The following OC90 variants were observed in gnomAD, a reference collection of about 807,000 sequenced individuals.
The protein encoded by OC90 is otoconin 90.
Under a neutral mutation model 47.3 loss-of-function variants are expected in OC90, and 46 were observed. That is an observed-to-expected ratio of 0.97 (90% CI 0.77 to 1.24). The LOEUF (loss-of-function observed/expected upper bound fraction) is 1.24. OC90 is among the 50% of genes most tolerant of loss of function. The probability of loss-of-function intolerance (pLI) is 0.00; values close to 1 mark genes in which losing one functional copy is unlikely to be tolerated. For synonymous variants in OC90, 271 were observed against 219.5 expected, an observed-to-expected ratio of 1.23 and a Z score of -2.07; for missense variants, 688 against 583.9, an observed-to-expected ratio of 1.18 and a Z score of -1.84.
rs770622659 is a variant in OC90 at position 132,024,583 on chromosome 8, C to A, written c.1332G>T (p.Glu444Asp). 6.2e-7 allele frequency: 1 copy of A among 1,613,478 alleles called. No homozygotes were observed. The highest frequency in any genetic ancestry group is 2.2e-5 in the East Asian group (1 of 44,866). Reference protein sequence around the residue: ...AAPTLGSSSEEDSEEDPPQED... With the variant: ...AAPTLGSSSEDDSEEDPPQED... The stretch of plus-strand genomic sequence containing the variant: ...CCTGTGGAGGGTCCTCCTCGCTGTC[C>A]TCCTCAGAGCTGGAGCCCAGGGTGG... The change falls in exon 14 of 14, where the codon GAG (glutamate) becomes GAT (aspartate). Residue 444 changes from glutamate (E) to aspartate (D), a missense_variant. Transcript: ENST00000254627.
intron 3 of OC90, among the ~76,000 whole-genome samples, chr8:132,045,616 G>A (rs1383811462): frequency 6.6e-6 from 1 of 152,162 alleles, no homozygotes; most frequent in Non-Finnish European, 1.5e-5. Context: ...TTTAGACTTT[G>A]TCTCAGTTGT....
intron 2 of OC90, among the ~76,000 whole-genome samples, chr8:132,054,061 C>A (rs1041773741): frequency 6.6e-6 from 1 of 152,184 alleles, no homozygotes; most frequent in Non-Finnish European, 1.5e-5. Flanking sequence ...TGAGAAGGGA[C>A]CTTGCGGAGC....
In OC90 at chr8:132,031,976, G is replaced by C; in HGVS notation, c.936C>G (p.Leu312=). 6.2e-7 allele frequency: 1 copy of C among 1,614,000 alleles called. No individual in the cohort carries two copies. Among genetic ancestry groups the C allele is most frequent in the Non-Finnish European group, 8.5e-7 (1 of 1,179,864 alleles). ...CCGGGCACCGGGATGTCAGACAAAA[G>C]AGCATCTCTCCAAGCTGTGGCATCA... ...MQVMPQLGEM[L]FCLTSRCPEE... Residue 312 remains leucine, a synonymous_variant, in exon 12 of 14, where the codon CTC becomes CTG. Coordinates refer to ENST00000254627, the MANE Select transcript of OC90 (RefSeq NM_001080399.3).
intron 2 of OC90, among the ~76,000 whole-genome samples, chr8:132,053,590 A>G (rs182360560): frequency 6.6e-6 from 1 of 152,350 alleles, no homozygotes; most frequent in Admixed American, 6.5e-5. Flanking sequence ...TCTACCGAAA[A>G]GATCAACCAG....
intron 2 of OC90, among the ~76,000 whole-genome samples, chr8:132,053,206 CATA>C (rs1823239826): frequency 6.6e-6 from 1 of 152,198 alleles, no homozygotes; most frequent in African/African-American, 2.4e-5. Context: ...CCTGTGCTAG[CATA>C]ATGTTGCAGA....
chr8:132,055,009 G>A lies in OC90; in HGVS notation c.18C>T (p.Leu6=). 1 of 1,551,424 alleles carries A rather than the reference G, an allele frequency of 6.4e-7. No homozygotes were observed. Among genetic ancestry groups the A allele is most frequent in the Non-Finnish European group, 8.7e-7 (1 of 1,146,822 alleles). MIAFL[L]TSVLMIPHAG... The stretch of plus-strand genomic sequence containing the variant: ...CATGGGGGATCATCAGCACACTGGT[G>A]AGGAGAAACGCAATCATAGCAGGAG... Residue 6 remains leucine (L), a synonymous_variant, in exon 2 of 14, where the codon CTC becomes CTT. Coordinates refer to ENST00000254627, the MANE Select transcript of OC90 (RefSeq NM_001080399.3).
intron 10 of OC90, among the ~76,000 whole-genome samples, chr8:132,034,533 A>T (rs969672553): frequency 6.6e-6 from 1 of 152,114 alleles, no homozygotes; most frequent in Non-Finnish European, 1.5e-5. Flanking sequence ...AACTTTCTGA[A>T]TTATTGGTGC....
intron 6 of OC90, 44 bp from the exon 7 acceptor site, chr8:132,039,167 G>T (rs752146467): frequency 6.4e-7 from 1 of 1,557,832 alleles, no homozygotes; most frequent in African/African-American, 1.4e-5. Flanking sequence ...ATCTCAGCTG[G>T]AATCCCAAGA....
intron 2 of OC90, among the ~76,000 whole-genome samples, chr8:132,049,330 C>T (rs1489703119): frequency 2.0e-5 from 3 of 146,876 alleles, no homozygotes; most frequent in Admixed American, 2.0e-4. Context: ...GTAATCAAGG[C>T]TCTTGGGGAA....
intron 2 of OC90, among the ~76,000 whole-genome samples, chr8:132,050,021 C>G (rs1038147098): frequency 6.6e-6 from 1 of 152,154 alleles, no homozygotes; most frequent in African/African-American, 2.4e-5. Context: ...TTTTGTCCAA[C>G]AGGCCTGACT....
At chr8:132,048,394 G>GGA (rs1823164040) in intron 2 of OC90, among the ~76,000 whole-genome samples, 1,579 of 152,172 alleles carry the variant, frequency 0.01, 70 homozygotes, top group African/African-American at 0.036. Flanking sequence ...AAGGAACTGA[G>GGA]AGCAATTTGG....
intron 2 of OC90, among the ~76,000 whole-genome samples, chr8:132,046,787 A>G (rs10216899): frequency 6.6e-6 from 1 of 152,186 alleles, no homozygotes; most frequent in African/African-American, 2.4e-5. Context: ...TCCATCTGAC[A>G]CTGTGTAGAA....
In OC90 at chr8:132,048,460, G is replaced by A. The variant is rs183812683; in HGVS notation, c.47-2577C>T. Among the ~76,000 whole-genome samples the A allele has an allele frequency of 3.5e-3, 513 of 146,958 alleles. 3 individuals are homozygous for A. The highest frequency in any genetic ancestry group is 0.014 in the Middle Eastern group (4 of 294). On this transcript the variant is annotated intron_variant, in intron 2 of 13. Coordinates refer to ENST00000254627, the MANE Select transcript of OC90 (RefSeq NM_001080399.3). The stretch of plus-strand genomic sequence containing the variant: ...ATGGTCCCAGCTGCACTAACCCACC[G>A]TGGTCCCCCAAATATGCCGCACATT...
In OC90 at chr8:132,055,018, C is replaced by T. The variant is rs61750767; in HGVS notation, c.9G>A (p.Ala3=). The T allele has an allele frequency of 0.019, 29,138 of 1,550,382 alleles. 335 individuals are homozygous for T. The highest frequency in any genetic ancestry group is 0.023 in the Non-Finnish European group (25,874 of 1,146,146). MI[A]FLLTSVLMIP... is the part of the protein sequence containing the mutation. The stretch of plus-strand genomic sequence containing the variant: ...TCATCAGCACACTGGTGAGGAGAAA[C>T]GCAATCATAGCAGGAGAACAAAGGA... Residue 3 remains alanine, a synonymous_variant, in exon 2 of 14, where the codon GCG becomes GCA. Coordinates refer to ENST00000254627, the MANE Select transcript of OC90 (RefSeq NM_001080399.3).
At chr8:132,044,034 C>G (rs1178924920) in intron 4 of OC90, among the ~76,000 whole-genome samples, 2 of 152,120 alleles carry the variant, frequency 1.3e-5, no homozygotes, top group Non-Finnish European at 2.9e-5. Flanking sequence ...TTTATATTTA[C>G]TAGTGAGGGA....
intron 6 of OC90, among the ~76,000 whole-genome samples, chr8:132,040,769 C>T (rs1823040017): frequency 6.6e-6 from 1 of 152,238 alleles, no homozygotes; most frequent in African/African-American, 2.4e-5. Context: ...ATTTGCCCTT[C>T]CCAAGGTCTC....
At chr8:132,030,050 C>T (rs1428223954) in intron 12 of OC90, among the ~76,000 whole-genome samples, 1 of 152,202 alleles carries the variant, frequency 6.6e-6, no homozygotes, top group Non-Finnish European at 1.5e-5. Flanking sequence ...ATCAGAGGAA[C>T]AATCCACCTT....
At chr8:132,034,892 T>C in intron 9 of OC90, 58 bp from the exon 10 acceptor site, 1 of 1,352,674 alleles carries the variant, frequency 7.4e-7, no homozygotes, top group Non-Finnish European at 1.1e-6. Context: ...CCCACCTGGG[T>C]TTCCAGAGGC....
chr8:132,055,678 C>A (rs1254203380), intron 1 of OC90, among the ~76,000 whole-genome samples: 2 of 152,210 alleles, frequency 1.3e-5, no homozygotes, highest in Non-Finnish European at 2.9e-5. Context: ...CTCCCTCTTC[C>A]TTCCCTTCCT....
Sources: gnomAD v4.1 joint callset for allele counts (sites outside exome capture counted in the v4.1 genomes callset) on GRCh38, gnomAD v4.1.1 for gene constraint, MANE v1.5 for transcripts, NCBI Gene and HGNC (gene_info 2026-07-23, HGNC 2026-07-21) for gene names.